ZFR2: variants seen among roughly 807,000 people sequenced by gnomAD.
ZFR2 encodes zinc finger RNA binding protein 2.
In ZFR2, 104 loss-of-function variants were observed where a neutral mutation model predicts 105.7. That is an observed-to-expected ratio of 0.98 (90% CI 0.84 to 1.16). The LOEUF is 1.16. Ranked by LOEUF, ZFR2 falls within the 50% of genes most tolerant of loss-of-function variation. ZFR2 has a pLI of 0.00. For synonymous variants in ZFR2, 634 were observed against 597.7 expected (o/e 1.06, Z -0.89); for missense variants, 1,425 against 1,355.5 (o/e 1.05, Z -0.80).
rs558694587 is a variant in ZFR2 at position 3,833,931 on chromosome 19, A to AGGCAGGG, written c.265-160_265-154dup. Reference sequence around the variant, plus strand: ...TGCCCAGGACCAGGCCCTGGCCCGGAGGCAGGGGGCAGGGGGCAGGGGGCA... The same window carrying AGGCAGGG: ...TGCCCAGGACCAGGCCCTGGCCCGGAGGCAGGGGGCAGGGGGCAGGGGGCAGGGGGCA... On this transcript the variant is annotated intron_variant, in intron 2 of 18. Coordinates refer to ENST00000262961, the MANE Select transcript of ZFR2 (RefSeq NM_015174.2). 2.6e-4 allele frequency among the ~76,000 whole-genome samples: 40 copies of AGGCAGGG among 151,110 alleles called. 1 individual carries two copies. Among genetic ancestry groups the AGGCAGGG allele is most frequent in the South Asian group, 2.3e-3 (11 of 4,724 alleles).
Position 3,813,034 on chromosome 19 carries a change from T to C in ZFR2, c.2242+786A>G, listed in dbSNP as rs1007385694. ...GGCGGAAGTTGCAGTGAGCTGAGATTGCGCCATTGCACTCCAGCCTGGGCA... is the reference window on the plus strand; with the variant it reads ...GGCGGAAGTTGCAGTGAGCTGAGATCGCGCCATTGCACTCCAGCCTGGGCA... On this transcript the variant is annotated intron_variant, in intron 14 of 18. Transcript: ENST00000262961. The surrounding 1 kb of genome is among the most constrained non-coding windows in gnomAD (Gnocchi z 4.4). Among the ~76,000 whole-genome samples, 6 of 152,236 alleles carry C rather than the reference T, an allele frequency of 3.9e-5. No homozygotes were observed. The highest frequency in any genetic ancestry group is 3.4e-3 in the Middle Eastern group (1 of 294).
intron 1 of ZFR2, chr19:3,852,341 G>C: frequency 3.2e-6 from 2 of 634,658 alleles, no homozygotes; most frequent in Non-Finnish European, 5.7e-6. Context: ...CAGCTGGGTG[G>C]CTCTCCTGAC....
rs766516856 is a variant in ZFR2, at chr19:3,831,448, G to A, written c.707C>T (p.Pro236Leu). 19 of 1,550,504 alleles carry A rather than the reference G, an allele frequency of 1.2e-5. No individual in the cohort carries two copies. The highest frequency in any genetic ancestry group is 7.1e-5 in the South Asian group (6 of 84,122). ...GCTTCCTGAGCCTGCAGGCGCGGGCGGCGGGGGCAGCTGCTGCGGGGGTCC... is the reference window on the plus strand; with the variant it reads ...GCTTCCTGAGCCTGCAGGCGCGGGCAGCGGGGGCAGCTGCTGCGGGGGTCC... ...PPGPPQQLPPPPAPAGSGSSP... is the reference protein window; with the variant it reads ...PPGPPQQLPPLPAPAGSGSSP... The change falls in exon 5 of 19, where the codon CCG (proline) becomes CTG (leucine). Residue 236 changes from proline to leucine, a missense_variant. Physicochemically the swap from Pro to Leu is moderately conservative, Grantham distance 98 (BLOSUM62 -3). Transcript: ENST00000262961.
Position 3,811,298 on chromosome 19 carries a change from C to A in ZFR2, c.2311G>T (p.Ala771Ser). 6.2e-7 allele frequency: 1 copy of A among 1,602,166 alleles called. No homozygotes were observed. The highest frequency in any genetic ancestry group is 8.5e-7 in the Non-Finnish European group (1 of 1,175,232). ...SPKKCLESLA[A>S]LRHARWFQAR... ...TGAAACCACCTGGCATGACGGAGGG[C>A]GGCCAGGGACTCGAGGCACTTCTTG... The change falls in exon 15 of 19, where the codon GCC becomes TCC. Residue 771 changes from alanine to serine, a missense_variant. Physicochemically the swap from Ala to Ser is moderately conservative, Grantham distance 99 (BLOSUM62 1). Coordinates refer to ENST00000262961, the MANE Select transcript of ZFR2 (RefSeq NM_015174.2).
intron 14 of ZFR2, among the ~76,000 whole-genome samples, chr19:3,812,777 A>G (rs1272501147): frequency 1.1e-4 from 17 of 152,072 alleles, no homozygotes; most frequent in Admixed American, 1.1e-3. Flanking sequence ...CAAAACACTT[A>G]AGCTTTAAAA....
intron 3 of ZFR2, among the ~76,000 whole-genome samples, chr19:3,833,001 C>G (rs1338900160): frequency 6.6e-6 from 1 of 150,976 alleles, no homozygotes; most frequent in Admixed American, 6.6e-5. Context: ...AATCCCAGCA[C>G]TTTGGGAGGC....
intron 13 of ZFR2, 151 bp downstream of exon 13, chr19:3,816,523 G>A (rs1023203452): frequency 1.3e-5 from 16 of 1,261,070 alleles, no homozygotes; most frequent in Non-Finnish European, 1.5e-5. Flanking sequence ...TGGGATTACG[G>A]ACGTGAGCCA....
In ZFR2 at chr19:3,834,586, C is replaced by T. The variant is rs1431749962; in HGVS notation, c.264+187G>A. ...GGCCTGTCCCCGAGAGCAGTGGATT[C>T]TTTCGGAAGCGACTCTGCCCTGATT... On this transcript the variant is annotated intron_variant, in intron 2 of 18. Transcript: ENST00000262961. The surrounding 1 kb of genome is among the most constrained non-coding windows in gnomAD (Gnocchi z 5.3). 6.6e-6 allele frequency among the ~76,000 whole-genome samples: 1 copy of T among 152,212 alleles called. No homozygotes were observed. The highest frequency in any genetic ancestry group is 2.4e-5 in the African/African-American group (1 of 41,452).
chr19:3,860,700 C>T (rs967126349), intron 1 of ZFR2, among the ~76,000 whole-genome samples: 6 of 152,156 alleles, frequency 3.9e-5, no homozygotes, highest in Non-Finnish European at 5.9e-5. Context: ...CCCTCCCAGA[C>T]GCAGGACAAG....
intron 9 of ZFR2, among the ~76,000 whole-genome samples, chr19:3,821,828 C>T (rs1568421286): frequency 3.3e-5 from 5 of 151,992 alleles, no homozygotes; most frequent in Admixed American, 1.3e-4. Context: ...AGGCTGGTCT[C>T]GAACTCCTGA....
chr19:3,847,425 G>A (rs1276979231), intron 1 of ZFR2, among the ~76,000 whole-genome samples: 2 of 152,102 alleles, frequency 1.3e-5, no homozygotes, highest in Non-Finnish European at 2.9e-5. Context: ...TCAGGAGGCT[G>A]AAGCAGTAGA....
rs1049146432 is a variant in ZFR2, at chr19:3,831,395, G to A, written c.760C>T (p.Leu254Phe). ...TTGGGTCTCGGCAGCTTGCTGGGAA[G>A]CGGTGGCTTCGAGTCGGCCCTGGGG... The part of the protein sequence containing the change: ...SSPRADSKPP[L>F]PSKLPRPKAG... The change falls in exon 5 of 19, where the codon CTT becomes TTT. Residue 254 changes from leucine (L) to phenylalanine (F), a missense_variant. Transcript: ENST00000262961. 3 of 1,556,472 alleles carry A rather than the reference G, an allele frequency of 1.9e-6. No homozygotes were observed. The highest frequency in any genetic ancestry group is 2.6e-6 in the Non-Finnish European group (3 of 1,152,162).
chr19:3,840,425 C>T (rs146429618), intron 1 of ZFR2, among the ~76,000 whole-genome samples: 104 of 152,074 alleles, frequency 6.8e-4, no homozygotes, highest in African/African-American at 2.4e-3. Flanking sequence ...TTTGTAGAGA[C>T]GAGGTTTCAC....
intron 5 of ZFR2, among the ~76,000 whole-genome samples, chr19:3,829,677 T>A (rs528292450): frequency 6.6e-6 from 1 of 152,144 alleles, no homozygotes; most frequent in Non-Finnish European, 1.5e-5. Context: ...CATGCCCAGC[T>A]AATTTTTAAA....
At chr19:3,811,601 C>T (rs916050438) in intron 14 of ZFR2, among the ~76,000 whole-genome samples, 2 of 150,382 alleles carry the variant, frequency 1.3e-5, no homozygotes, top group Non-Finnish European at 3.0e-5. Context: ...ATTACAGGTG[C>T]CCGCCACCAC....
chr19:3,832,803 T>C (rs952675481), intron 3 of ZFR2, among the ~76,000 whole-genome samples: 2 of 151,718 alleles, frequency 1.3e-5, no homozygotes, highest in Non-Finnish European at 2.9e-5. Context: ...GCCTGGCTAA[T>C]TTTTTTGCAT....
chr19:3,862,778 T>C (rs1450593496), intron 1 of ZFR2, among the ~76,000 whole-genome samples: 1 of 152,186 alleles, frequency 6.6e-6, no homozygotes, highest in African/African-American at 2.4e-5. Flanking sequence ...CGGATTCTCT[T>C]CTAAGGAGTT....
intron 9 of ZFR2, among the ~76,000 whole-genome samples, chr19:3,821,699 C>T (rs1006794934): frequency 1.3e-5 from 2 of 150,720 alleles, no homozygotes; most frequent in Non-Finnish European, 3.0e-5. Context: ...CTGCAACCTC[C>T]GCCTCCCGGG....
chr19:3,825,725 G>A (rs1050674498), intron 6 of ZFR2, among the ~76,000 whole-genome samples: 5 of 152,280 alleles, frequency 3.3e-5, no homozygotes, highest in South Asian at 2.1e-4. Flanking sequence ...AGGTGGGGCC[G>A]TTTCTCAGCC....
Sources: allele counts gnomAD v4.1 joint callset (sites outside exome capture counted in the v4.1 genomes callset), GRCh38; gene constraint gnomAD v4.1.1; non-coding constraint Gnocchi (gnomAD v3.1); transcripts MANE v1.5; gene names NCBI Gene and HGNC (gene_info 2026-07-23, HGNC 2026-07-21).